The following MIPOL1 variants were observed in gnomAD, a reference collection of about 807,000 sequenced individuals.
MIPOL1 encodes the protein mirror-image polydactyly gene 1 protein.
MIPOL1 carries 57 observed loss-of-function variants against 60.9 expected under a neutral mutation model. The observed-to-expected ratio is 0.94, with a 90% confidence interval of 0.76 to 1.17. The LOEUF (loss-of-function observed/expected upper bound fraction) is 1.17, where lower values mean the gene tolerates loss of function less well. Among genes scored for constraint, MIPOL1 ranks in the 50% most tolerant of loss-of-function variants. MIPOL1 has a pLI of 0.00. For missense variants in MIPOL1, 551 were observed against 511.6 expected, an observed-to-expected ratio of 1.08 and a Z score of -0.74; for synonymous variants, 179 against 168.8, an observed-to-expected ratio of 1.06 and a Z score of -0.47.
At chr14:37,233,352 C>G (rs1340710768) in intron 1 of MIPOL1, among the ~76,000 whole-genome samples, 1 of 152,032 alleles carries the variant, frequency 6.6e-6, no homozygotes, top group African/African-American at 2.4e-5. Flanking sequence ...AAACCTTTAA[C>G]TTTTTCAAAA....
intron 11 of MIPOL1, among the ~76,000 whole-genome samples, chr14:37,470,528 C>G (rs796874780): frequency 1.6e-4 from 25 of 152,236 alleles, no homozygotes; most frequent in African/African-American, 6.0e-4. Context: ...TGAAGATGTG[C>G]CTGCTTTCCC....
chr14:37,475,277 C>T (rs1253574111), intron 11 of MIPOL1, among the ~76,000 whole-genome samples: 1 of 152,030 alleles, frequency 6.6e-6, no homozygotes, highest in Non-Finnish European at 1.5e-5. Flanking sequence ...TATTTATTTT[C>T]TTATTGTTGA....
chr14:37,472,171 C>T (rs1489652752), intron 11 of MIPOL1, among the ~76,000 whole-genome samples: 1 of 152,176 alleles, frequency 6.6e-6, no homozygotes, highest in Non-Finnish European at 1.5e-5. Flanking sequence ...AAATCAGCAT[C>T]AGTGCTTGTC....
chr14:37,253,104 T>TA (rs1190153347), intron 3 of MIPOL1, among the ~76,000 whole-genome samples: 1 of 151,826 alleles, frequency 6.6e-6, no homozygotes, highest in Non-Finnish European at 1.5e-5. Flanking sequence ...AGTAATGGTA[T>TA]ATTTTTCATG....
At chr14:37,435,342 C>A (rs1021289492) in intron 11 of MIPOL1, among the ~76,000 whole-genome samples, 2 of 152,126 alleles carry the variant, frequency 1.3e-5, no homozygotes, top group African/African-American at 2.4e-5. Context: ...TCACATGAGT[C>A]TGTTCCTTTA....
At chr14:37,267,281 A>C in intron 4 of MIPOL1, 112 bp downstream of exon 4, 1 of 721,488 alleles carries the variant, frequency 1.4e-6, no homozygotes, top group Admixed American at 2.4e-5. Context: ...TGAGGTCAGG[A>C]GTTCGAGACC....
rs2095560533 is a variant in MIPOL1, at chr14:37,550,999, A to G, written c.*4028A>G. 1.3e-5 allele frequency: 2 copies of G among 152,134 alleles called. No homozygotes were observed. The highest frequency in any genetic ancestry group is 4.1e-4 in the South Asian group (2 of 4,836). 9.4% of individuals were successfully genotyped at this position (152,134 alleles called of 1,614,324 possible). A position where few individuals can be genotyped will look rare whatever the true frequency, so the allele number is the denominator to read the frequency against. Reference sequence around the variant, plus strand: ...AATTATTTAATGTAGGACTTCATAAATAGTATTTGACAATGATAAATGTGT... The same window carrying G: ...AATTATTTAATGTAGGACTTCATAAGTAGTATTTGACAATGATAAATGTGT... On this transcript the variant is annotated 3_prime_UTR_variant, in exon 13 of 13. Transcript: ENST00000684589.
chr14:37,421,114 G>A (rs747857867), intron 10 of MIPOL1, among the ~76,000 whole-genome samples: 1 of 152,092 alleles, frequency 6.6e-6, no homozygotes. Context: ...AGTACCTTAA[G>A]CATGGGAATT....
At chr14:37,231,797 A>G (rs375116105) in intron 1 of MIPOL1, among the ~76,000 whole-genome samples, 1 of 152,100 alleles carries the variant, frequency 6.6e-6, no homozygotes, top group Non-Finnish European at 1.5e-5. Context: ...AAAGCCCTAC[A>G]GGCCGGGAGT....
chr14:37,299,560 G>A (rs1032013980), intron 7 of MIPOL1, among the ~76,000 whole-genome samples: 53 of 151,920 alleles, frequency 3.5e-4, no homozygotes, highest in African/African-American at 1.2e-3. Flanking sequence ...TTTGGTGTTC[G>A]GATTTCACTG....
chr14:37,236,413 AGT>A (rs1971486288), intron 1 of MIPOL1, among the ~76,000 whole-genome samples: 1 of 151,930 alleles, frequency 6.6e-6, no homozygotes, highest in Admixed American at 6.6e-5. Flanking sequence ...TGAAGGCTGT[AGT>A]AGTGTGTTTC....
Position 37,551,056 on chromosome 14 carries a change from A to G in MIPOL1, c.*4085A>G, listed in dbSNP as rs1305482539. On this transcript the variant is annotated 3_prime_UTR_variant, in exon 13 of 13. Transcript: ENST00000684589. ...GAGAATCATTAAAATGTATACAATG[A>G]TATTCCTTTGCAGAAGTCTTAATAT... 1 of 152,120 alleles carries G rather than the reference A, an allele frequency of 6.6e-6. No individual in the cohort carries two copies. The highest frequency in any genetic ancestry group is 1.9e-4 in the East Asian group (1 of 5,192). 9.4% of individuals were successfully genotyped at this position (152,120 alleles called of 1,614,324 possible). A position where few individuals can be genotyped will look rare whatever the true frequency, so the allele number is the denominator to read the frequency against.
chr14:37,393,687 T>A (rs922921421), intron 10 of MIPOL1, among the ~76,000 whole-genome samples: 10 of 151,842 alleles, frequency 6.6e-5, no homozygotes, highest in Admixed American at 5.3e-4. Flanking sequence ...ATTTATTTAT[T>A]TACTTATTTA....
At chr14:37,512,168 C>CAT (rs2095333001) in intron 12 of MIPOL1, among the ~76,000 whole-genome samples, 1 of 151,698 alleles carries the variant, frequency 6.6e-6, no homozygotes, top group African/African-American at 2.4e-5. Flanking sequence ...TGACCAAACA[C>CAT]ACACACACAC....
intron 3 of MIPOL1, among the ~76,000 whole-genome samples, chr14:37,259,719 A>G (rs2082383413): frequency 6.6e-6 from 1 of 152,164 alleles, no homozygotes; most frequent in Admixed American, 6.6e-5. Flanking sequence ...AATTTCTCAA[A>G]GCAATTTTTT....
Position 37,274,067 on chromosome 14 carries a change from AG to A in MIPOL1, c.493+3543del, listed in dbSNP as rs549699456. On this transcript the variant is annotated intron_variant, in intron 6 of 12. Coordinates refer to ENST00000684589, the MANE Select transcript of MIPOL1 (RefSeq NM_001388067.1). ...CTAAACTGAAAAATGGACAAGCAAA[AG>A]AAGAAACAAAGTATTGGATTATTAA... 1.6e-4 allele frequency among the ~76,000 whole-genome samples: 24 copies of A among 151,658 alleles called. No individual in the cohort carries two copies. In the South Asian group the frequency reaches 5.0e-3, roughly 31 times the overall value.
In MIPOL1 at chr14:37,542,564, C is replaced by A. The variant is rs2095533805; in HGVS notation, c.1263-4341C>A. 2.0e-5 allele frequency among the ~76,000 whole-genome samples: 3 copies of A among 152,042 alleles called. No individual in the cohort carries two copies. The South Asian group carries it at 6.2e-4, about 31-fold the overall frequency. On this transcript the variant is annotated intron_variant, in intron 12 of 12. Transcript: ENST00000684589. ...TGTTATTTCCTCTGCCTGGAATGCACAACCATGCCCTGTCTCCATTCCCAC... is the reference window on the plus strand; with the variant it reads ...TGTTATTTCCTCTGCCTGGAATGCAAAACCATGCCCTGTCTCCATTCCCAC...
intron 1 of MIPOL1, among the ~76,000 whole-genome samples, chr14:37,238,017 A>G (rs1489662236): frequency 2.0e-5 from 3 of 152,052 alleles, no homozygotes; most frequent in Non-Finnish European, 4.4e-5. Context: ...CCCAGGCTGG[A>G]GTACAATAGC....
intron 11 of MIPOL1, among the ~76,000 whole-genome samples, chr14:37,428,543 A>G (rs1390446532): frequency 6.6e-6 from 1 of 152,060 alleles, no homozygotes; most frequent in Non-Finnish European, 1.5e-5. Context: ...GGTGGAGATC[A>G]CACCAGTGTA....
Sources: allele counts gnomAD v4.1 joint callset (sites outside exome capture counted in the v4.1 genomes callset), GRCh38; gene constraint gnomAD v4.1.1; transcripts MANE v1.5; gene names NCBI Gene and HGNC (gene_info 2026-07-23, HGNC 2026-07-21).